DAB1: variants seen among roughly 807,000 people sequenced by gnomAD.
DAB1 encodes the protein disabled homolog 1.
Under a neutral mutation model 64.6 loss-of-function variants are expected in DAB1, and 15 were observed. That is an observed-to-expected ratio of 0.23 (90% CI 0.16 to 0.36). The LOEUF (loss-of-function observed/expected upper bound fraction) is 0.36. DAB1 is among the 10% of genes least tolerant of loss of function. DAB1 has a pLI of 1.00. For synonymous variants in DAB1, 235 were observed against 251.9 expected, an observed-to-expected ratio of 0.93 and a Z score of 0.64; for missense variants, 596 against 706.7, an observed-to-expected ratio of 0.84 and a Z score of 1.78.
chr1:58,065,155 T>C (rs1458773167), intron 5 of DAB1, among the ~76,000 whole-genome samples: 6 of 152,198 alleles, frequency 3.9e-5, no homozygotes, highest in Admixed American at 2.0e-4. Flanking sequence ...GCACTTACCC[T>C]GTGCTATGCA....
chr1:57,722,428 T>C (rs942765009), intron 6 of DAB1, among the ~76,000 whole-genome samples: 1 of 152,190 alleles, frequency 6.6e-6, no homozygotes. Flanking sequence ...ACCACTTGCC[T>C]CTCTTGTGCC....
intron 9 of DAB1, among the ~76,000 whole-genome samples, chr1:57,058,232 G>C (rs1473333059): frequency 6.6e-6 from 1 of 152,152 alleles, no homozygotes; most frequent in Non-Finnish European, 1.5e-5. Context: ...TATTTATGGA[G>C]GCTGCAGGTG....
At chr1:57,724,058 A>G (rs1307974990) in intron 6 of DAB1, among the ~76,000 whole-genome samples, 1 of 152,178 alleles carries the variant, frequency 6.6e-6, no homozygotes, top group Non-Finnish European at 1.5e-5. Flanking sequence ...ATAGCTATGA[A>G]TCAGAGACAA....
chr1:57,774,398 C>T (rs531404981), intron 6 of DAB1, among the ~76,000 whole-genome samples: 2 of 151,892 alleles, frequency 1.3e-5, no homozygotes, highest in African/African-American at 2.4e-5. Context: ...AGTTTTACTT[C>T]TTTCTTTTCA....
chr1:58,480,646 A>G (rs183371770), intron 3 of DAB1: 1 of 187,694 alleles, frequency 5.3e-6, no homozygotes, highest in Non-Finnish European at 1.1e-5. Context: ...TCTACTATAA[A>G]AACTACCGTA....
chr1:57,244,727 T>A lies in DAB1; in HGVS notation c.67+46237A>T, dbSNP rs184726832. Among the ~76,000 whole-genome samples, 62 of 152,330 alleles carry A rather than the reference T, an allele frequency of 4.1e-4. No homozygotes were observed. The East Asian group carries it at 8.5e-3, about 21-fold the overall frequency. On this transcript the variant is annotated intron_variant, in intron 2 of 14. Coordinates refer to ENST00000371236, the MANE Select transcript of DAB1 (RefSeq NM_001365792.1). ...AAAAAGTGGTCTGAAACACTCTGAGTCTCCATTTCTTCTTTTGTAAAATGA... is the reference window on the plus strand; with the variant it reads ...AAAAAGTGGTCTGAAACACTCTGAGACTCCATTTCTTCTTTTGTAAAATGA...
At chr1:57,672,705 G>A (rs1230754184) in intron 6 of DAB1, among the ~76,000 whole-genome samples, 5 of 152,258 alleles carry the variant, frequency 3.3e-5, no homozygotes, top group African/African-American at 9.6e-5. Flanking sequence ...ATATCTTAGA[G>A]TGGGTTTGAT....
chr1:58,315,984 A>G (rs1662550438), intron 4 of DAB1, among the ~76,000 whole-genome samples: 1 of 152,218 alleles, frequency 6.6e-6, no homozygotes, highest in Non-Finnish European at 1.5e-5. Context: ...AATCGTCCCC[A>G]AAGAGCCAAA....
chr1:57,533,982 G>A (rs1644695898), intron 7 of DAB1, among the ~76,000 whole-genome samples: 2 of 152,070 alleles, frequency 1.3e-5, no homozygotes, highest in South Asian at 4.1e-4. Context: ...CAAAGTAGAA[G>A]CATGAAGAAT....
intron 7 of DAB1, among the ~76,000 whole-genome samples, chr1:57,498,522 T>C (rs1429030410): frequency 2.0e-5 from 3 of 152,186 alleles, no homozygotes; most frequent in African/African-American, 7.2e-5. Flanking sequence ...TGGTCAACAA[T>C]GCCAACATGG....
chr1:57,676,306 A>G (rs1271625510), intron 6 of DAB1, among the ~76,000 whole-genome samples: 1 of 152,212 alleles, frequency 6.6e-6, no homozygotes, highest in Admixed American at 6.5e-5. Context: ...AAAATATTTA[A>G]GACCCAAAGC....
At chr1:57,250,052 C>CA (rs1669206019) in intron 2 of DAB1, among the ~76,000 whole-genome samples, 1 of 152,140 alleles carries the variant, frequency 6.6e-6, no homozygotes, top group Non-Finnish European at 1.5e-5. Context: ...GACTGGCACA[C>CA]AAATAATTCA....
chr1:57,098,859 T>G (rs1654411111), intron 4 of DAB1, among the ~76,000 whole-genome samples: 1 of 152,212 alleles, frequency 6.6e-6, no homozygotes, highest in African/African-American at 2.4e-5. Flanking sequence ...AAGGACACAT[T>G]CTAACTCTAC....
At chr1:58,088,324 A>AT (rs1650442880) in intron 5 of DAB1, among the ~76,000 whole-genome samples, 1 of 152,200 alleles carries the variant, frequency 6.6e-6, no homozygotes, top group African/African-American at 2.4e-5. Context: ...GGTTAGCGAC[A>AT]TTTTGCTGAA....
chr1:58,217,114 T>A (rs1160572281), intron 4 of DAB1, among the ~76,000 whole-genome samples: 1 of 152,224 alleles, frequency 6.6e-6, no homozygotes, highest in Non-Finnish European at 1.5e-5. Flanking sequence ...AAGCATCTTG[T>A]ATGTTTTAGA....
chr1:58,009,569 A>C (rs2100425262), intron 5 of DAB1, among the ~76,000 whole-genome samples: 1 of 152,318 alleles, frequency 6.6e-6, no homozygotes, highest in East Asian at 1.9e-4. Flanking sequence ...GATAATATCA[A>C]GTATTGTAAG....
rs148083460 is a variant in DAB1, at chr1:58,035,307, G to A, written n.387+115204C>T. 8.9e-4 allele frequency among the ~76,000 whole-genome samples: 136 copies of A among 152,334 alleles called. No individual in the cohort carries two copies. The Middle Eastern group carries it at 0.014, about 15-fold the overall frequency. ...TGGAACAATAAGAGCTATGCCCAAC[G>A]GGCCCTCCCTTAATTGCGGAATCAC... On this transcript the variant is annotated intron_variant and non_coding_transcript_variant, in intron 5 of 20. Coordinates refer to the DAB1 transcript ENST00000485760.
intron 1 of DAB1, among the ~76,000 whole-genome samples, chr1:57,361,845 A>G (rs78141582): frequency 0.097 from 14,838 of 152,208 alleles, 757 homozygotes; most frequent in Middle Eastern, 0.12. Flanking sequence ...AAAAATCACC[A>G]ATACAGAGAT....
At chr1:58,048,633 T>C (rs1053676712) in intron 5 of DAB1, 63 of 1,187,404 alleles carry the variant, frequency 5.3e-5, no homozygotes, top group Non-Finnish European at 7.0e-5. Flanking sequence ...CCACTAAAGT[T>C]TCCTCCACAA....
Sources: gnomAD v4.1 joint callset for allele counts (sites outside exome capture counted in the v4.1 genomes callset) on GRCh38, gnomAD v4.1.1 for gene constraint, MANE v1.5 for transcripts, NCBI Gene and HGNC (gene_info 2026-07-23, HGNC 2026-07-21) for gene names.